SNX25: variants seen among roughly 807,000 people sequenced by gnomAD.
SNX25 encodes the protein sorting nexin-25.
Under a neutral mutation model 113.7 loss-of-function variants are expected in SNX25, and 62 were observed. That is an observed-to-expected ratio of 0.55 (90% CI 0.44 to 0.67). The LOEUF is 0.67. Among genes scored for constraint, SNX25 ranks in the 30% least tolerant of loss-of-function variants. The pLI is 0.00. For missense variants in SNX25, 1,014 were observed against 1,161.0 expected (o/e 0.87, Z 1.84); for synonymous variants, 421 against 436.2 (o/e 0.97, Z 0.43).
At chr4:185,224,052 T>A (rs1403694387) in intron 1 of SNX25, among the ~76,000 whole-genome samples, 2 of 152,102 alleles carry the variant, frequency 1.3e-5, no homozygotes, top group Non-Finnish European at 2.9e-5. Context: ...TGTGTGTTTT[T>A]AAAAAATATT....
intron 13 of SNX25, among the ~76,000 whole-genome samples, chr4:185,347,475 T>G (rs550177842): frequency 1.3e-5 from 2 of 152,214 alleles, no homozygotes; most frequent in South Asian, 4.1e-4. Flanking sequence ...TTTGTTTTGT[T>G]TTGTTTTGTT....
chr4:185,351,534 G>T lies in SNX25; in HGVS notation c.2391G>T (p.Val797=). The T allele has an allele frequency of 1.2e-6, 2 of 1,614,060 alleles. No homozygotes were observed. The highest frequency in any genetic ancestry group is 1.7e-6 in the Non-Finnish European group (2 of 1,180,000). Residue 797 remains valine, a synonymous_variant, in exon 14 of 19, where the codon GTG becomes GTT. Transcript: ENST00000652585. ...CTGACTACCTCAAGGTTATCGACGT[G>T]CAGGGGAAAAAAAATTCTTTTTCAT... ...PSPDYLKVID[V]QGKKNSFSLS... is the part of the protein sequence containing the mutation.
At chr4:185,376,443 C>CTT in the SNX25 span, among the ~76,000 whole-genome samples, 5,311 of 105,678 alleles carry the variant, frequency 0.05, 229 homozygotes, top group South Asian at 0.062. Flanking sequence ...TGCCCAGCTA[C>CTT]TTTTTTTTTT....
At chr4:185,355,140 A>T (rs2095333584) in intron 15 of SNX25, among the ~76,000 whole-genome samples, 1 of 152,226 alleles carries the variant, frequency 6.6e-6, no homozygotes, top group African/African-American at 2.4e-5. Flanking sequence ...TCTGTGTCTT[A>T]ATCCTCAGTA....
At chr4:185,260,600 G>T (rs962852429) in intron 3 of SNX25, among the ~76,000 whole-genome samples, 2 of 152,154 alleles carry the variant, frequency 1.3e-5, no homozygotes, top group African/African-American at 4.8e-5. Context: ...TAAAAACTAA[G>T]AATTTTTAAA....
At chr4:185,375,391 G>T in the SNX25 span, among the ~76,000 whole-genome samples, 1 of 139,348 alleles carries the variant, frequency 7.2e-6, no homozygotes, top group African/African-American at 2.6e-5. Context: ...GGGAAGCAGA[G>T]GTTGCAGTGA....
At chr4:185,256,242 G>T (rs1255598616) in intron 2 of SNX25, among the ~76,000 whole-genome samples, 1 of 152,094 alleles carries the variant, frequency 6.6e-6, no homozygotes, top group African/African-American at 2.4e-5. Flanking sequence ...CAGCTGGAAG[G>T]CACAGTTATC....
chr4:185,226,858 A>T (rs1741074753), intron 1 of SNX25, among the ~76,000 whole-genome samples: 1 of 151,532 alleles, frequency 6.6e-6, no homozygotes, highest in East Asian at 1.9e-4. Flanking sequence ...ATGTTTTGTA[A>T]ACATGACTGA....
At chr4:185,328,142 A>G (rs2095169537) in intron 9 of SNX25, among the ~76,000 whole-genome samples, 1 of 152,262 alleles carries the variant, frequency 6.6e-6, no homozygotes, top group Non-Finnish European at 1.5e-5. Flanking sequence ...ACAGGCAACC[A>G]GAAGAAGATC....
intron 7 of SNX25, among the ~76,000 whole-genome samples, chr4:185,320,267 A>T (rs758243186): frequency 4.6e-5 from 7 of 152,270 alleles, no homozygotes; most frequent in Non-Finnish European, 1.5e-5. Flanking sequence ...AAAATGTGGT[A>T]CATATACATC....
rs1214648591 is a variant in SNX25, at chr4:185,232,113, C to A, written c.430-15181C>A. Among the ~76,000 whole-genome samples, 1 of 152,258 alleles carries A rather than the reference C, an allele frequency of 6.6e-6. No homozygotes were observed. The highest frequency in any genetic ancestry group is 1.9e-4 in the East Asian group (1 of 5,186). On this transcript the variant is annotated intron_variant, in intron 1 of 18. Transcript: ENST00000652585. The surrounding 1 kb of genome is among the most constrained non-coding windows in gnomAD (Gnocchi z 4.4). Reference sequence around the variant, plus strand: ...AGCTAGTTAATGTGAAAAACACACTCACCCGTCTAAACCCAAAGAATGGAC... The same window carrying A: ...AGCTAGTTAATGTGAAAAACACACTAACCCGTCTAAACCCAAAGAATGGAC...
intron 12 of SNX25, among the ~76,000 whole-genome samples, chr4:185,344,700 A>G (rs1167769470): frequency 6.6e-6 from 1 of 152,210 alleles, no homozygotes; most frequent in African/African-American, 2.4e-5. Flanking sequence ...GCTCCTTTAC[A>G]AAACCTCATG....
chr4:185,302,828 C>T (rs1263762347), intron 6 of SNX25, among the ~76,000 whole-genome samples: 1 of 152,190 alleles, frequency 6.6e-6, no homozygotes, highest in Non-Finnish European at 1.5e-5. Context: ...TTCCTCCCTG[C>T]CCAGTCCTTG....
intron 2 of SNX25, among the ~76,000 whole-genome samples, chr4:185,251,155 C>T (rs1745575469): frequency 6.6e-6 from 1 of 152,026 alleles, no homozygotes; most frequent in African/African-American, 2.4e-5. Flanking sequence ...CCACCATGCC[C>T]AGCTAATTTT....
chr4:185,288,061 C>A lies in SNX25; in HGVS notation c.1141C>A (p.Pro381Thr). Residue 381 changes from proline to threonine, a missense_variant, in exon 6 of 19, where the codon CCC becomes ACC. Coordinates refer to ENST00000652585, the MANE Select transcript of SNX25 (RefSeq NM_001378034.2). ...CCAGGCGACTACAATTAGCAGCTTT[C>A]CCCAACTGAAGAGGCACAAAGGTAA... ...IIQATTISSFPQLKRHKGKET... is the reference protein window; with the variant it reads ...IIQATTISSFTQLKRHKGKET... 6.2e-7 allele frequency: 1 copy of A among 1,613,478 alleles called. No individual in the cohort carries two copies. Among genetic ancestry groups the A allele is most frequent in the Non-Finnish European group, 8.5e-7 (1 of 1,179,728 alleles).
chr4:185,338,362 A>C (rs1408386147), intron 10 of SNX25, among the ~76,000 whole-genome samples: 1 of 148,324 alleles, frequency 6.7e-6, no homozygotes, highest in African/African-American at 2.5e-5. Flanking sequence ...TGCAACCTCC[A>C]ACCCCTGAGT....
intron 5 of SNX25, among the ~76,000 whole-genome samples, chr4:185,274,247 G>T (rs1052716033): frequency 3.3e-5 from 5 of 152,052 alleles, no homozygotes; most frequent in African/African-American, 1.2e-4. Context: ...CTTTAGTAGA[G>T]ACAGGATTTC....
chr4:185,376,443 C>CTTTTTTTTTTTTTT, the SNX25 span, among the ~76,000 whole-genome samples: 6 of 105,824 alleles, frequency 5.7e-5, no homozygotes, highest in Non-Finnish European at 9.2e-5. Context: ...TGCCCAGCTA[C>CTTTTTTTTTTTTTT]TTTTTTTTTT....
At chr4:185,292,325 G>A (rs1176970355) in intron 6 of SNX25, among the ~76,000 whole-genome samples, 1 of 152,150 alleles carries the variant, frequency 6.6e-6, no homozygotes, top group African/African-American at 2.4e-5. Flanking sequence ...TGAGTGTAGT[G>A]ACTCTTCCTA....
Sources: allele counts gnomAD v4.1 joint callset (sites outside exome capture counted in the v4.1 genomes callset), GRCh38; gene constraint gnomAD v4.1.1; non-coding constraint Gnocchi (gnomAD v3.1); transcripts MANE v1.5; gene names NCBI Gene and HGNC (gene_info 2026-07-23, HGNC 2026-07-21).